Variants in TCF12 observed in about 807,000 individuals in gnomAD.
TCF12 encodes transcription factor 12.
TCF12 carries 45 observed loss-of-function variants against 86.0 expected under a neutral mutation model. That is an observed-to-expected ratio of 0.52 (90% CI 0.41 to 0.67). The LOEUF (loss-of-function observed/expected upper bound fraction) is 0.67, where lower values mean the gene tolerates loss of function less well. TCF12 is among the 30% of genes least tolerant of loss of function. The pLI is 0.00. For missense variants in TCF12, 881 were observed against 859.9 expected (o/e 1.02, Z -0.31); for synonymous variants, 330 against 299.6 (o/e 1.10, Z -1.05).
At chr15:56,958,109 G>T (rs918640659) in intron 3 of TCF12, among the ~76,000 whole-genome samples, 1 of 152,086 alleles carries the variant, frequency 6.6e-6, no homozygotes, top group South Asian at 2.1e-4. Context: ...TCAAATGCAC[G>T]TGCCAGTTAG....
intron 5 of TCF12, among the ~76,000 whole-genome samples, chr15:57,119,240 G>C (rs1370549736): frequency 1.3e-5 from 2 of 151,966 alleles, no homozygotes; most frequent in Non-Finnish European, 2.9e-5. Context: ...CTGCAAGTAT[G>C]AACCACCATG....
chr15:57,136,967 TTTG>T (rs1307921021), intron 5 of TCF12, among the ~76,000 whole-genome samples: 6,782 of 17,824 alleles, frequency 0.38, 2,423 homozygotes, highest in Non-Finnish European at 0.43. Flanking sequence ...AGTTTTTTTT[TTTG>T]TTTTTTTTTT....
At chr15:57,051,719 A>G (rs1245774989) in intron 3 of TCF12, among the ~76,000 whole-genome samples, 1 of 152,086 alleles carries the variant, frequency 6.6e-6, no homozygotes, top group Non-Finnish European at 1.5e-5. Context: ...ATTTAACCAT[A>G]TAGATTTGGA....
intron 3 of TCF12, among the ~76,000 whole-genome samples, chr15:57,038,856 G>A (rs1451907589): frequency 6.6e-6 from 1 of 152,158 alleles, no homozygotes; most frequent in Non-Finnish European, 1.5e-5. Context: ...GTATTGAAGT[G>A]CAGTGGTTCT....
At chr15:56,918,275 T>C (rs1218786936), upstream of TCF12, 1 of 456,110 alleles carries the variant, frequency 2.2e-6, no homozygotes, top group East Asian at 7.0e-5. Context: ...GGGCAGCGGA[T>C]CCAGATGCTT....
chr15:56,966,631 C>A (rs377711730), intron 3 of TCF12, among the ~76,000 whole-genome samples: 1 of 152,166 alleles, frequency 6.6e-6, no homozygotes, highest in Non-Finnish European at 1.5e-5. Flanking sequence ...ACCAGATACA[C>A]GGACTGTTGT....
At chr15:57,051,585 A>C (rs2067622117) in intron 3 of TCF12, among the ~76,000 whole-genome samples, 1 of 151,820 alleles carries the variant, frequency 6.6e-6, no homozygotes. Flanking sequence ...CTGCTTCCCA[A>C]AGTGCTGGGA....
chr15:57,044,080 A>ATTTTT (rs1470410997), intron 3 of TCF12, among the ~76,000 whole-genome samples: 13 of 152,216 alleles, frequency 8.5e-5, no homozygotes, highest in Non-Finnish European at 1.3e-4. Flanking sequence ...GGAAACAAGA[A>ATTTTT]GAAACAGTTT....
intron 5 of TCF12, among the ~76,000 whole-genome samples, chr15:57,095,011 A>G (rs764265576): frequency 4.6e-5 from 7 of 152,248 alleles, no homozygotes; most frequent in Admixed American, 6.5e-5. Flanking sequence ...GTGTGTTTAT[A>G]TATTCATGTA....
intron 12 of TCF12, among the ~76,000 whole-genome samples, chr15:57,235,226 T>G (rs138488319): frequency 2.6e-5 from 4 of 152,276 alleles, no homozygotes; most frequent in Non-Finnish European, 5.9e-5. Flanking sequence ...ACAAAATATT[T>G]CAGCTATAAT....
intron 6 of TCF12, among the ~76,000 whole-genome samples, chr15:57,174,527 T>C (rs1479965475): frequency 1.3e-5 from 2 of 152,226 alleles, no homozygotes; most frequent in East Asian, 3.8e-4. Flanking sequence ...GTTCTCATCA[T>C]TTTATGTTTT....
intron 3 of TCF12, among the ~76,000 whole-genome samples, chr15:56,993,665 C>T (rs2140986442): frequency 6.6e-6 from 1 of 152,290 alleles, no homozygotes; most frequent in African/African-American, 2.4e-5. Flanking sequence ...GGGACAAATT[C>T]AGATGGCACA....
intron 3 of TCF12, among the ~76,000 whole-genome samples, chr15:56,987,402 A>G (rs1414139880): frequency 2.0e-5 from 3 of 152,202 alleles, no homozygotes; most frequent in African/African-American, 7.2e-5. Flanking sequence ...GGCTTGAGCC[A>G]CCGTGCCTGG....
chr15:57,209,022 G>GT (rs1300861022), intron 8 of TCF12, among the ~76,000 whole-genome samples: 1 of 152,136 alleles, frequency 6.6e-6, no homozygotes, highest in Non-Finnish European at 1.5e-5. Context: ...AGCCCAAAAT[G>GT]TTTTTTGTTG....
intron 12 of TCF12, among the ~76,000 whole-genome samples, chr15:57,243,078 TC>T (rs2059703607): frequency 6.6e-6 from 1 of 152,204 alleles, no homozygotes; most frequent in African/African-American, 2.4e-5. Flanking sequence ...TAAAGACCAT[TC>T]TAAAAGATAG....
At chr15:57,063,596 C>G (rs559969533) in intron 3 of TCF12, among the ~76,000 whole-genome samples, 154 bp from the exon 4 acceptor site, 2 of 152,244 alleles carry the variant, frequency 1.3e-5, no homozygotes, top group East Asian at 3.9e-4. Flanking sequence ...TTTGCAGTAA[C>G]TTATATTTTA....
At chr15:56,944,514 G>A (rs1213443429) in intron 3 of TCF12, among the ~76,000 whole-genome samples, 2 of 152,118 alleles carry the variant, frequency 1.3e-5, no homozygotes, top group African/African-American at 4.8e-5. Flanking sequence ...CCTTTATTTT[G>A]TATATACATA....
chr15:57,021,688 G>C (rs2065493187), intron 3 of TCF12, among the ~76,000 whole-genome samples: 1 of 152,076 alleles, frequency 6.6e-6, no homozygotes, highest in African/African-American at 2.4e-5. Context: ...TTATATTTAG[G>C]ACAGTTGACT....
intron 5 of TCF12, among the ~76,000 whole-genome samples, chr15:57,104,761 TA>T (rs2050018009): frequency 1.3e-5 from 2 of 151,492 alleles, no homozygotes; most frequent in South Asian, 4.2e-4. Flanking sequence ...GTTTAACTTT[TA>T]CTTGGTCTGA....
Sources: gnomAD v4.1 joint callset for allele counts (sites outside exome capture counted in the v4.1 genomes callset) on GRCh38, gnomAD v4.1.1 for gene constraint, MANE v1.5 for transcripts, NCBI Gene and HGNC (gene_info 2026-07-23, HGNC 2026-07-21) for gene names.